Variants in ABR observed in about 807,000 individuals in gnomAD.
ABR encodes the protein ABR activator of RhoGEF and GTPase, also known as active breakpoint cluster region-related protein.
A neutral mutation model predicts 107.2 loss-of-function variants in ABR; 35 were observed. The observed-to-expected ratio is 0.33, with a 90% CI of 0.25 to 0.43. The LOEUF (loss-of-function observed/expected upper bound fraction) is 0.43. Ranked by LOEUF, ABR falls within the 20% of genes least tolerant of loss-of-function variation. The pLI is 1.00. For missense variants in ABR, 815 were observed against 1,115.2 expected (o/e 0.73, Z 3.83); for synonymous variants, 498 against 462.0 (o/e 1.08, Z -1.00).
rs544172618 is a variant in ABR at position 1,051,807 on chromosome 17, T to A, written c.1562-1173A>T. Among the ~76,000 whole-genome samples the A allele has an allele frequency of 1.3e-5, 2 of 152,258 alleles. No individual in the cohort carries two copies. The highest frequency in any genetic ancestry group is 3.9e-4 in the East Asian group (2 of 5,168). ...AGCTTTCCTGGCCGGGCAAGGTGGC[T>A]CACGCCTGTAAATCCCAGCACTTTG... On this transcript the variant is annotated intron_variant, in intron 14 of 22. Transcript: ENST00000302538. The surrounding 1 kb of genome is among the most constrained non-coding windows in gnomAD (Gnocchi z 4.3).
At chr17:1,032,837 T>G (rs2072917165) in intron 16 of ABR, among the ~76,000 whole-genome samples, 1 of 152,200 alleles carries the variant, frequency 6.6e-6, no homozygotes, top group African/African-American at 2.4e-5. Context: ...CAGGGGTGTC[T>G]GGGGCCTCGG....
At chr17:1,026,107 C>T (rs1036112921) in intron 16 of ABR, among the ~76,000 whole-genome samples, 2 of 152,264 alleles carry the variant, frequency 1.3e-5, no homozygotes, top group African/African-American at 4.8e-5. Context: ...AATCTTGAGA[C>T]ATGGCCAAGA....
chr17:1,013,294 G>A (rs2070801219), intron 16 of ABR, 130 bp from the exon 17 acceptor site: 4 of 918,222 alleles, frequency 4.4e-6, no homozygotes, highest in Non-Finnish European at 6.9e-6. Context: ...GGGATAAGCT[G>A]ATGTTTACCT....
chr17:1,130,654 C>A (rs147131658), intron 1 of ABR, among the ~76,000 whole-genome samples: 3 of 152,148 alleles, frequency 2.0e-5, no homozygotes, highest in Admixed American at 1.3e-4. Flanking sequence ...GGGAATGTGA[C>A]CTTATTTGGA....
intron 10 of ABR, among the ~76,000 whole-genome samples, chr17:1,065,593 T>C (rs1484697399): frequency 6.6e-6 from 1 of 152,220 alleles, no homozygotes; most frequent in Non-Finnish European, 1.5e-5. Flanking sequence ...CTGAGGGCTA[T>C]TCATGTTCCT....
intron 1 of ABR, among the ~76,000 whole-genome samples, chr17:1,222,034 C>T (rs1377064609): frequency 1.3e-5 from 2 of 149,758 alleles, no homozygotes; most frequent in African/African-American, 2.5e-5. Context: ...AAGACACCAT[C>T]GAGGAAGAGT....
chr17:1,014,761 G>C (rs544779721), intron 16 of ABR, among the ~76,000 whole-genome samples: 6 of 151,690 alleles, frequency 4.0e-5, no homozygotes, highest in Non-Finnish European at 8.8e-5. Context: ...CAGGAGAATG[G>C]CATGAACCCA....
upstream of ABR, among the ~76,000 whole-genome samples, chr17:1,183,083 G>A (rs2042185565): frequency 1.3e-5 from 2 of 152,180 alleles, no homozygotes; most frequent in Admixed American, 1.3e-4. Context: ...CTTTGCCAAA[G>A]GTGATGCTAC....
intron 2 of ABR, chr17:1,109,117 G>A (rs1404083588): frequency 4.5e-6 from 7 of 1,569,402 alleles, no homozygotes; most frequent in Admixed American, 1.8e-5. Flanking sequence ...TCCACGCAGC[G>A]GCGGCGGGAG....
chr17:1,197,543 C>T lies in ABR; in HGVS notation c.838+31250G>A, dbSNP rs770025721. ...CTCGTGGCCCACAGCCTTCTAGACA[C>T]TCATTGCCCAAACCCCTGCATGAGT... On this transcript the variant is annotated intron_variant, in intron 1 of 22. Transcript: ENST00000574139. Among the ~76,000 whole-genome samples the T allele has an allele frequency of 2.6e-5, 4 of 151,582 alleles. No individual in the cohort carries two copies. The South Asian group carries it at 8.3e-4, about 31-fold the overall frequency.
chr17:1,082,614 T>C (rs1355729698), intron 5 of ABR, among the ~76,000 whole-genome samples: 1 of 152,190 alleles, frequency 6.6e-6, no homozygotes, highest in Non-Finnish European at 1.5e-5. Context: ...TTACCCTTTT[T>C]GTGTTTATGG....
rs188185708 is a variant in ABR, at chr17:1,179,850, C to G, written c.-123G>C. 21 of 1,064,682 alleles carry G rather than the reference C, an allele frequency of 2.0e-5. No individual in the cohort carries two copies. Among genetic ancestry groups the G allele is most frequent in the Non-Finnish European group, 2.6e-5 (21 of 798,866 alleles). The allele number at this position is 1,064,682 out of a possible 1,614,324, so 66.0% of individuals were successfully genotyped here. ...GCGGAGGGGCGAGGAGGCCGGGAAC[C>G]AGGTCCCCGGGAGGAGCGCGGGGCG... On this transcript the variant is annotated 5_prime_UTR_variant, in exon 1 of 23. Coordinates refer to ENST00000302538, the MANE Select transcript of ABR (RefSeq NM_021962.5). The surrounding 1 kb of genome is among the most constrained non-coding windows in gnomAD (Gnocchi z 4.9).
In ABR at chr17:1,072,611, C is replaced by T; in HGVS notation, c.894+3G>A. On this transcript the variant is annotated splice_donor_region_variant and intron_variant, in intron 8 of 22. Coordinates refer to ENST00000302538, the MANE Select transcript of ABR (RefSeq NM_021962.5). ...GAGGGGCCGTGCCGGGCTCTGAGCT[C>T]ACCTCCCCCTTGGGCGTTGTCACTG... 2 of 1,604,240 alleles carry T rather than the reference C, an allele frequency of 1.2e-6. No individual in the cohort carries two copies. The highest frequency in any genetic ancestry group is 2.2e-5 in the South Asian group (2 of 89,932).
At chr17:1,184,795 C>CTGGGA (rs1001070035), upstream of ABR, 25 of 152,208 alleles carry the variant, frequency 1.6e-4, no homozygotes, top group African/African-American at 4.8e-4. Flanking sequence ...TCCCAAAGTG[C>CTGGGA]TGGGATTATA....
chr17:1,226,764 G>A (rs1598158768), intron 1 of ABR, among the ~76,000 whole-genome samples: 1 of 151,488 alleles, frequency 6.6e-6, no homozygotes, highest in East Asian at 2.0e-4. Context: ...GTGCGTGTGT[G>A]TGCATGCATG....
intron 11 of ABR, 112 bp downstream of exon 11, chr17:1,058,633 G>A (rs948260232): frequency 2.3e-5 from 32 of 1,392,392 alleles, no homozygotes; most frequent in Non-Finnish European, 2.8e-5. Context: ...AGCCTCCTCA[G>A]GAAGAGGGGG....
rs1186024809 is a variant in ABR at position 1,203,396 on chromosome 17, C to T, written c.838+25397G>A. Among the ~76,000 whole-genome samples the T allele has an allele frequency of 3.8e-4, 14 of 37,272 alleles. 3 individuals are homozygous for T. The highest frequency in any genetic ancestry group is 1.1e-3 in the East Asian group (2 of 1,848). 24.5% of individuals were successfully genotyped at this position (37,272 alleles called of 152,430 possible). On this transcript the variant is annotated intron_variant, in intron 1 of 22. Coordinates refer to the ABR transcript ENST00000574139. ...GGGGCGGGGCCTTGAGGGGGCGGGGCCCGCGGGGGGCGGAGTCTGCGGGGG... is the reference window on the plus strand; with the variant it reads ...GGGGCGGGGCCTTGAGGGGGCGGGGTCCGCGGGGGGCGGAGTCTGCGGGGG...
At chr17:1,178,898 C>CA (rs1200246235) in intron 1 of ABR, among the ~76,000 whole-genome samples, 2 of 151,924 alleles carry the variant, frequency 1.3e-5, no homozygotes, top group Middle Eastern at 3.2e-3. Flanking sequence ...CAAGCCCCCC[C>CA]ACACCATTAC....
chr17:1,122,897 C>T, intron 2 of ABR, among the ~76,000 whole-genome samples: 1 of 152,186 alleles, frequency 6.6e-6, no homozygotes, highest in East Asian at 1.9e-4. Flanking sequence ...GTGCCAGAAG[C>T]CAGATATCTG....
Sources: gnomAD v4.1 joint callset for allele counts (sites outside exome capture counted in the v4.1 genomes callset) on GRCh38, gnomAD v4.1.1 for gene constraint, Gnocchi (gnomAD v3.1) non-coding constraint, MANE v1.5 for transcripts, NCBI Gene and HGNC (gene_info 2026-07-23, HGNC 2026-07-21) for gene names.